The following CABLES1 variants were observed in gnomAD, a reference collection of about 807,000 sequenced individuals.
CABLES1 encodes CDK5 and ABL1 enzyme substrate 1.
In CABLES1, 36 loss-of-function variants were observed where a neutral mutation model predicts 57.8. The observed-to-expected ratio is 0.62, with a 90% CI of 0.48 to 0.82. The LOEUF (loss-of-function observed/expected upper bound fraction) is 0.82. CABLES1 is among the 40% of genes least tolerant of loss of function. The pLI is 0.00. For missense variants in CABLES1, 767 were observed against 836.6 expected (o/e 0.92, Z 1.03); for synonymous variants, 374 against 363.0 (o/e 1.03, Z -0.35).
intron 4 of CABLES1, among the ~76,000 whole-genome samples, chr18:23,232,719 A>G (rs2047575139): frequency 6.6e-6 from 1 of 152,132 alleles, no homozygotes; most frequent in Non-Finnish European, 1.5e-5. Context: ...GCCTCCCAGG[A>G]AGCCTGCTGT....
intron 7 of CABLES1, among the ~76,000 whole-genome samples, chr18:23,245,827 A>G (rs555074137): frequency 2.0e-5 from 3 of 152,362 alleles, no homozygotes; most frequent in African/African-American, 7.2e-5. Flanking sequence ...CTCTCGCTCC[A>G]TGAGCGGAAT....
At chr18:23,222,903 CTGCACCCAGA>C (rs199891089) in intron 4 of CABLES1, among the ~76,000 whole-genome samples, 2 of 152,350 alleles carry the variant, frequency 1.3e-5, no homozygotes, top group South Asian at 2.1e-4. Flanking sequence ...GGGCGTCGAG[CTGCACCCAGA>C]TGCAAGTGCT....
chr18:23,199,932 A>G (rs1359935709), intron 3 of CABLES1, among the ~76,000 whole-genome samples: 1 of 152,222 alleles, frequency 6.6e-6, no homozygotes, highest in Non-Finnish European at 1.5e-5. Flanking sequence ...CAGAAGGGAA[A>G]GGATGGCGAA....
chr18:23,139,014 G>A lies in CABLES1; in HGVS notation c.845+2407G>A, dbSNP rs150874184. The stretch of plus-strand genomic sequence containing the variant: ...GTGATTTGTATACAAATTAAATTTC[G>A]ACAAGTGTTGCCACAGTGTATCTGA... On this transcript the variant is annotated intron_variant, in intron 1 of 9. Transcript: ENST00000256925. Among the ~76,000 whole-genome samples, 5 of 152,144 alleles carry A rather than the reference G, an allele frequency of 3.3e-5. No individual in the cohort carries two copies. In the South Asian group the frequency reaches 6.2e-4, roughly 19 times the overall value.
intron 7 of CABLES1, among the ~76,000 whole-genome samples, chr18:23,249,413 C>T (rs1034960298): frequency 1.3e-5 from 2 of 152,128 alleles, no homozygotes; most frequent in African/African-American, 4.8e-5. Flanking sequence ...GGGCAATAGC[C>T]AGACAAGGAG....
intron 1 of CABLES1, among the ~76,000 whole-genome samples, chr18:23,187,675 C>T (rs2047212838): frequency 6.6e-6 from 1 of 152,146 alleles, no homozygotes. Context: ...GCGTGAGCCA[C>T]CGTGCCTGGC....
chr18:23,233,430 C>A lies in CABLES1; in HGVS notation c.1089-1178C>A, dbSNP rs937189539. 2.6e-5 allele frequency among the ~76,000 whole-genome samples: 4 copies of A among 152,276 alleles called. No individual in the cohort carries two copies. In the South Asian group the frequency reaches 8.3e-4, roughly 32 times the overall value. Reference sequence around the variant, plus strand: ...CTACCGTCCTGGTGACCTTGGCAATCTCCCAAGGGCCTCAGTTTCCTCCTC... The same window carrying A: ...CTACCGTCCTGGTGACCTTGGCAATATCCCAAGGGCCTCAGTTTCCTCCTC... On this transcript the variant is annotated intron_variant, in intron 4 of 9. Transcript: ENST00000256925.
chr18:23,158,398 A>G (rs2046979756), intron 1 of CABLES1, among the ~76,000 whole-genome samples: 1 of 152,218 alleles, frequency 6.6e-6, no homozygotes, highest in African/African-American at 2.4e-5. Context: ...TGTAGCGTGT[A>G]GACCTTCTGT....
intron 1 of CABLES1, among the ~76,000 whole-genome samples, chr18:23,141,396 AT>A (rs1288785918): frequency 2.4e-4 from 36 of 152,290 alleles, no homozygotes; most frequent in African/African-American, 8.4e-4. Context: ...GAAAGGGGAG[AT>A]GGATGCTGTT....
chr18:23,217,550 C>CT (rs1185984948), intron 4 of CABLES1, among the ~76,000 whole-genome samples: 1 of 152,140 alleles, frequency 6.6e-6, no homozygotes, highest in African/African-American at 2.4e-5. Context: ...AAGCAGAATG[C>CT]TTTTTAAACT....
At chr18:23,191,048 A>G (rs2047239001) in intron 2 of CABLES1, among the ~76,000 whole-genome samples, 1 of 146,594 alleles carries the variant, frequency 6.8e-6, no homozygotes, top group Admixed American at 7.4e-5. Flanking sequence ...GTTTGAGATC[A>G]TCCTGGGCAA....
chr18:23,176,636 A>C (rs1344840302), intron 1 of CABLES1, among the ~76,000 whole-genome samples: 1 of 152,128 alleles, frequency 6.6e-6, no homozygotes, highest in African/African-American at 2.4e-5. Flanking sequence ...TCCAGAAAGG[A>C]ATCTGAGGTA....
chr18:23,216,540 C>A (rs7233350), intron 4 of CABLES1, among the ~76,000 whole-genome samples: 32,617 of 152,072 alleles, frequency 0.21, 3,588 homozygotes, highest in Middle Eastern at 0.23. Flanking sequence ...CCCCATATTT[C>A]TGACAGTAAA....
At chr18:23,242,878 A>G (rs1041095566) in intron 7 of CABLES1, among the ~76,000 whole-genome samples, 1 of 152,174 alleles carries the variant, frequency 6.6e-6, no homozygotes, top group Admixed American at 6.5e-5. Context: ...AATGTATCAT[A>G]GAACTTAATT....
chr18:23,240,855 TCTC>T (rs2047718933), intron 7 of CABLES1, among the ~76,000 whole-genome samples: 1 of 151,992 alleles, frequency 6.6e-6, no homozygotes, highest in Non-Finnish European at 1.5e-5. Flanking sequence ...ATGAAGCAGC[TCTC>T]AAAGTGATGA....
chr18:23,135,903 G>A lies in CABLES1; in HGVS notation c.141G>A (p.Pro47=). The A allele has an allele frequency of 9.3e-7, 1 of 1,074,094 alleles. No homozygotes were observed. The highest frequency in any genetic ancestry group is 5.2e-5 in the Admixed American group (1 of 19,092). 66.5% of individuals were successfully genotyped at this position (1,074,094 alleles called of 1,614,324 possible). A position where few individuals can be genotyped will look rare whatever the true frequency, so the allele number is the denominator to read the frequency against. ...CCGCGGCCGCCGCGCCGGCCCAGCC[G>A]CCGCCCGAACCCCCCCGGAAGCCGC... ...PQPAAAAPAQ[P]PPEPPRKPRM... The change falls in exon 1 of 10, where the codon CCG becomes CCA. Residue 47 remains proline (P), a synonymous_variant. Transcript: ENST00000256925.
intron 3 of CABLES1, among the ~76,000 whole-genome samples, chr18:23,209,240 A>G (rs922392455): frequency 6.6e-6 from 1 of 152,178 alleles, no homozygotes; most frequent in Non-Finnish European, 1.5e-5. Flanking sequence ...TACCTGCCCT[A>G]TATGAAATGA....
chr18:23,177,110 G>A lies in CABLES1; in HGVS notation c.846-11728G>A, dbSNP rs77357519. 7.5e-3 allele frequency among the ~76,000 whole-genome samples: 1,136 copies of A among 152,164 alleles called. 6 individuals carry two copies. Among genetic ancestry groups the A allele is most frequent in the Non-Finnish European group, 0.013 (853 of 68,008 alleles). On this transcript the variant is annotated intron_variant, in intron 1 of 9. Transcript: ENST00000256925. ...CACAGAGGGTCCTTGTCTTGTGTTC[G>A]AAGGAAAAATAAATGCGTATCTGGC...
intron 3 of CABLES1, among the ~76,000 whole-genome samples, chr18:23,212,411 A>C (rs781565602): frequency 3.2e-4 from 48 of 152,216 alleles, no homozygotes; most frequent in Non-Finnish European, 6.6e-4. Context: ...GAGGTCAAAC[A>C]AAAGTGACAG....
Sources: gnomAD v4.1 joint callset for allele counts (sites outside exome capture counted in the v4.1 genomes callset) on GRCh38, gnomAD v4.1.1 for gene constraint, MANE v1.5 for transcripts, NCBI Gene and HGNC (gene_info 2026-07-23, HGNC 2026-07-21) for gene names.